Variants in DIAPH3 observed in about 807,000 individuals in gnomAD.
DIAPH3 encodes the protein diaphanous related formin 3.
A neutral mutation model predicts 144.3 loss-of-function variants in DIAPH3; 117 were observed. The observed-to-expected ratio is 0.81, with a 90% CI of 0.70 to 0.95. DIAPH3 has a LOEUF of 0.95. Ranked by LOEUF, DIAPH3 falls within the 40% of genes least tolerant of loss-of-function variation. The pLI is 0.00. For synonymous variants in DIAPH3, 519 were observed against 488.9 expected, an observed-to-expected ratio of 1.06 and a Z score of -0.81; for missense variants, 1,421 against 1,412.7, an observed-to-expected ratio of 1.01 and a Z score of -0.09.
At chr13:59,973,426 T>C (rs77295895) in intron 15 of DIAPH3, among the ~76,000 whole-genome samples, 3,344 of 147,050 alleles carry the variant, frequency 0.023, 173 homozygotes, top group East Asian at 0.22. Context: ...ATGGGAAAGA[T>C]AAAAAAAAAA....
chr13:60,052,526 A>C (rs1275599619), intron 4 of DIAPH3, among the ~76,000 whole-genome samples: 1 of 152,098 alleles, frequency 6.6e-6, no homozygotes, highest in Admixed American at 6.5e-5. Flanking sequence ...TTCAAGGTAT[A>C]AGAAGTCTGT....
At chr13:59,905,370 A>AAAAAAAAAAAAG (rs1211489670) in intron 20 of DIAPH3, among the ~76,000 whole-genome samples, 1 of 140,256 alleles carries the variant, frequency 7.1e-6, no homozygotes, top group African/African-American at 2.6e-5. Context: ...AAAAAAAAAA[A>AAAAAAAAAAAAG]GTGTAAGTTC....
chr13:60,158,632 C>G (rs1477567272), intron 1 of DIAPH3, among the ~76,000 whole-genome samples: 1 of 152,038 alleles, frequency 6.6e-6, no homozygotes, highest in Non-Finnish European at 1.5e-5. Context: ...TGTGGTTGCC[C>G]CAGCTAAAAG....
intron 24 of DIAPH3, 160 bp downstream of exon 24, chr13:59,832,947 C>A: frequency 1.5e-6 from 1 of 672,882 alleles, no homozygotes; most frequent in Non-Finnish European, 2.6e-6. Context: ...GAGAACAAAC[C>A]ATACATTTTT....
chr13:59,927,495 T>C (rs2047810419), intron 17 of DIAPH3, among the ~76,000 whole-genome samples: 3 of 152,210 alleles, frequency 2.0e-5, no homozygotes, highest in Admixed American at 2.0e-4. Context: ...GGGAGCTTTT[T>C]ACTTTTATGT....
At chr13:60,148,411 G>A (rs1485159349) in intron 1 of DIAPH3, among the ~76,000 whole-genome samples, 2 of 152,154 alleles carry the variant, frequency 1.3e-5, no homozygotes, top group East Asian at 1.9e-4. Context: ...CTCTTTGGTA[G>A]CAGTAGCCAC....
At chr13:60,026,726 G>GTCTC (rs1010101775) in intron 5 of DIAPH3, among the ~76,000 whole-genome samples, 3 of 151,354 alleles carry the variant, frequency 2.0e-5, no homozygotes, top group African/African-American at 4.8e-5. Flanking sequence ...TAGACAAAGT[G>GTCTC]TCTCTCTCTC....
chr13:59,967,039 T>C (rs1204409018), intron 17 of DIAPH3, among the ~76,000 whole-genome samples: 2 of 151,968 alleles, frequency 1.3e-5, no homozygotes, highest in Admixed American at 6.6e-5. Context: ...TTACTTTTGT[T>C]TGGGGGTTTG....
chr13:60,032,489 C>T (rs987828459), intron 5 of DIAPH3, among the ~76,000 whole-genome samples: 1 of 152,226 alleles, frequency 6.6e-6, no homozygotes, highest in Non-Finnish European at 1.5e-5. Context: ...ACAGGCTTAA[C>T]ACCACATGGA....
At chr13:59,875,923 A>G (rs2044599936) in intron 21 of DIAPH3, among the ~76,000 whole-genome samples, 1 of 152,186 alleles carries the variant, frequency 6.6e-6, no homozygotes, top group Non-Finnish European at 1.5e-5. Flanking sequence ...AAACTAAACT[A>G]TAATGGGCAT....
intron 17 of DIAPH3, among the ~76,000 whole-genome samples, chr13:59,947,115 G>A (rs2048841073): frequency 6.6e-6 from 1 of 152,178 alleles, no homozygotes; most frequent in South Asian, 2.1e-4. Context: ...ATTCATGCAT[G>A]CTCATTAACA....
intron 27 of DIAPH3, among the ~76,000 whole-genome samples, chr13:59,758,079 C>G (rs572759821): frequency 1.3e-5 from 2 of 152,130 alleles, no homozygotes; most frequent in Non-Finnish European, 2.9e-5. Context: ...CTGAGATACC[C>G]TACTTGAATT....
chr13:60,074,953 G>C (rs549532056), intron 4 of DIAPH3, among the ~76,000 whole-genome samples: 1 of 152,158 alleles, frequency 6.6e-6, no homozygotes, highest in African/African-American at 2.4e-5. Context: ...CTGGTACACA[G>C]ATCTTTATAT....
chr13:60,007,340 C>T (rs542554888), intron 9 of DIAPH3, among the ~76,000 whole-genome samples: 30 of 152,150 alleles, frequency 2.0e-4, no homozygotes, highest in Non-Finnish European at 3.5e-4. Context: ...CATGAGCCAC[C>T]GCGCCCAGCC....
chr13:59,832,709 A>G (rs554116952), intron 24 of DIAPH3, among the ~76,000 whole-genome samples: 2 of 151,968 alleles, frequency 1.3e-5, no homozygotes, highest in Non-Finnish European at 2.9e-5. Context: ...TTATTGTACA[A>G]TGCATTAAGG....
At chr13:59,739,363 C>G (rs1273834444) in intron 27 of DIAPH3, among the ~76,000 whole-genome samples, 1 of 152,122 alleles carries the variant, frequency 6.6e-6, no homozygotes, top group South Asian at 2.1e-4. Flanking sequence ...ATTTTTTACT[C>G]CATATGTAAC....
chr13:60,112,124 G>T lies in DIAPH3; in HGVS notation c.276C>A (p.Asn92Lys). The change falls in exon 3 of 28, where the codon AAC (asparagine) becomes AAA (lysine). Residue 92 changes from asparagine to lysine, a missense_variant. By Grantham distance (94) the Asn-to-Lys change is moderately conservative (BLOSUM62 0). Transcript: ENST00000400324. Reference protein sequence around the residue: ...GSKKERPPLPNLKTAFASSDC... With the variant: ...GSKKERPPLPKLKTAFASSDC... ...CACTGCTTGCAAATGCAGTCTTCAG[G>T]TTGGGAAGTGGAGGTCTCTCTTTCT... 6.2e-7 allele frequency: 1 copy of T among 1,614,110 alleles called. No homozygotes were observed. Among genetic ancestry groups the T allele is most frequent in the Non-Finnish European group, 8.5e-7 (1 of 1,180,018 alleles).
chr13:59,916,428 T>C (rs1819269209), intron 18 of DIAPH3, among the ~76,000 whole-genome samples, 179 bp from the exon 19 acceptor site: 1 of 152,160 alleles, frequency 6.6e-6, no homozygotes, highest in Non-Finnish European at 1.5e-5. Flanking sequence ...TTTATACTCT[T>C]CTCTAGTTTT....
At chr13:59,995,707 C>T (rs2052144424) in intron 9 of DIAPH3, among the ~76,000 whole-genome samples, 2 of 151,876 alleles carry the variant, frequency 1.3e-5, no homozygotes, top group African/African-American at 4.8e-5. Context: ...CGGGAGAAAA[C>T]AGGCTTGGGA....
Sources: gnomAD v4.1 joint callset for allele counts (sites outside exome capture counted in the v4.1 genomes callset) on GRCh38, gnomAD v4.1.1 for gene constraint, MANE v1.5 for transcripts, NCBI Gene and HGNC (gene_info 2026-07-23, HGNC 2026-07-21) for gene names.